Variants in HECW2 observed in about 807,000 individuals in gnomAD.
HECW2 encodes E3 ubiquitin-protein ligase HECW2.
In HECW2, 61 loss-of-function variants were observed where a neutral mutation model predicts 175.2. The ratio of observed to expected loss-of-function variants is 0.35; its 90% CI spans 0.28 to 0.43. HECW2 has a LOEUF of 0.43. HECW2 is among the 20% of genes least tolerant of loss of function. The pLI is 1.00. For missense variants in HECW2, 1,524 were observed against 2,000.5 expected (o/e 0.76, Z 4.54); for synonymous variants, 671 against 731.0 (o/e 0.92, Z 1.32).
chr2:196,523,660 A>C (rs1360830051), intron 1 of HECW2, among the ~76,000 whole-genome samples: 2 of 151,240 alleles, frequency 1.3e-5, no homozygotes, highest in East Asian at 3.9e-4. Context: ...ATCAATACCT[A>C]ATTTATTGAG....
chr2:196,269,505 A>G (rs1199021551), intron 17 of HECW2: 1 of 150,498 alleles, frequency 6.6e-6, no homozygotes, highest in East Asian at 1.9e-4. Flanking sequence ...CCAAAAAAAA[A>G]AAAAAAAAAA....
At chr2:196,345,928 G>A (rs1007525260) in intron 2 of HECW2, among the ~76,000 whole-genome samples, 1 of 152,192 alleles carries the variant, frequency 6.6e-6, no homozygotes, top group Non-Finnish European at 1.5e-5. Flanking sequence ...TCACTTGGAA[G>A]GCACAGAAGG....
chr2:196,550,682 T>TGCCTTAAAAATATATTGCAGAGACC lies in HECW2; in HGVS notation c.-36+42801_-36+42825dup, dbSNP rs1443208114. On this transcript the variant is annotated intron_variant, in intron 1 of 28. Transcript: ENST00000644978. ...AATGCTATTTTGTGACTATCTTTAT[T>TGCCTTAAAAATATATTGCAGAGACC]GCCTTAAAAATATATTGCAGAGACC... Among the ~76,000 whole-genome samples, 3 of 152,344 alleles carry TGCCTTAAAAATATATTGCAGAGACC rather than the reference T, an allele frequency of 2.0e-5. No individual in the cohort carries two copies. The East Asian group carries it at 5.8e-4, about 29-fold the overall frequency.
Position 196,319,377 on chromosome 2 carries a change from GAGATGTCAGGCTTCCATCATC to G in HECW2, c.1492_1512del (p.Asp498_Ser504del), listed in dbSNP as rs200908162. ...ACAGGGTTGTCCTCCAGCTTTGTCT[GAGATGTCAGGCTTCCATCATC>G]AGCTCTGGATGCCCTGCTAAACATG... On this transcript the variant is annotated inframe_deletion, in exon 9 of 29. Transcript: ENST00000644978. 332 of 1,614,166 alleles carry G rather than the reference GAGATGTCAGGCTTCCATCATC, an allele frequency of 2.1e-4. 4 individuals carry two copies. The East Asian group carries it at 7.4e-3, about 36-fold the overall frequency.
intron 2 of HECW2, among the ~76,000 whole-genome samples, chr2:196,390,143 T>C (rs1223816481): frequency 6.6e-6 from 1 of 152,166 alleles, no homozygotes; most frequent in African/African-American, 2.4e-5. Flanking sequence ...GACAACTCCA[T>C]GAGGTAGACC....
At chr2:196,371,691 T>G (rs1339444908) in intron 2 of HECW2, among the ~76,000 whole-genome samples, 1 of 152,238 alleles carries the variant, frequency 6.6e-6, no homozygotes, top group Non-Finnish European at 1.5e-5. Context: ...TAGCTTATTT[T>G]CACTCTATTT....
intron 2 of HECW2, among the ~76,000 whole-genome samples, chr2:196,369,237 C>T (rs541192344): frequency 6.6e-6 from 1 of 152,130 alleles, no homozygotes; most frequent in East Asian, 1.9e-4. Context: ...CTTGCAGACT[C>T]CTATAGGTAC....
At chr2:196,517,433 A>G (rs1688190456) in intron 1 of HECW2, among the ~76,000 whole-genome samples, 1 of 152,230 alleles carries the variant, frequency 6.6e-6, no homozygotes, top group African/African-American at 2.4e-5. Flanking sequence ...AAAAGAAATT[A>G]CAACACTATA....
At chr2:196,362,154 T>C (rs1693607682) in intron 2 of HECW2, 2 of 985,378 alleles carry the variant, frequency 2.0e-6, no homozygotes, top group Non-Finnish European at 2.4e-6. Context: ...CATCAAGACT[T>C]ATCACTGTCC....
intron 13 of HECW2, among the ~76,000 whole-genome samples, chr2:196,300,837 T>C (rs1395167330): frequency 2.0e-5 from 3 of 150,588 alleles, no homozygotes; most frequent in African/African-American, 7.3e-5. Context: ...ACTAGAAAAC[T>C]CATGAACACT....
rs562679225 is a variant in HECW2 at position 196,511,985 on chromosome 2, T to C, written c.-35-78527A>G. Among the ~76,000 whole-genome samples, 7 of 152,362 alleles carry C rather than the reference T, an allele frequency of 4.6e-5. No individual in the cohort carries two copies. In the East Asian group the frequency reaches 1.3e-3, roughly 29 times the overall value. On this transcript the variant is annotated intron_variant, in intron 1 of 28. Transcript: ENST00000644978. ...GTGTCCCTCACTGAGGTCTGCTCAC[T>C]GCATGTTCTGTGGAGCAGGAATGAT...
At chr2:196,455,018 C>G (rs1459488486) in intron 1 of HECW2, among the ~76,000 whole-genome samples, 1 of 151,864 alleles carries the variant, frequency 6.6e-6, no homozygotes, top group African/African-American at 2.4e-5. Context: ...CTGGGATTGA[C>G]CACAGACCCT....
chr2:196,220,135 C>T lies in HECW2; in HGVS notation c.4312G>A (p.Val1438Ile). 2 of 1,612,582 alleles carry T rather than the reference C, an allele frequency of 1.2e-6. No individual in the cohort carries two copies. The highest frequency in any genetic ancestry group is 1.7e-6 in the Non-Finnish European group (2 of 1,179,086). ...AGTTCTCTTGCATCAAAAACAGATA[C>T]CAGCCTGGCATCCACCACCTGTGGA... ...GFYEVVDARL[V>I]SVFDARELEL... Residue 1438 changes from valine (V) to isoleucine (I), a missense_variant, in exon 26 of 29, where the codon GTA becomes ATA. Around this residue, in one of 11 missense-constraint regions of HECW2, gnomAD observed 134 missense variants for 287.8 expected, o/e 0.47. Transcript: ENST00000644978.
intron 13 of HECW2, among the ~76,000 whole-genome samples, chr2:196,301,809 A>G (rs11901261): frequency 6.6e-6 from 1 of 151,676 alleles, no homozygotes; most frequent in Non-Finnish European, 1.5e-5. Context: ...ACAGACTACA[A>G]AAATTTTCTC....
intron 1 of HECW2, among the ~76,000 whole-genome samples, chr2:196,475,409 G>T (rs1686551425): frequency 6.8e-6 from 1 of 147,464 alleles, no homozygotes; most frequent in African/African-American, 2.5e-5. Flanking sequence ...AGTGAAGGGA[G>T]GGGAGGGGAG....
At chr2:196,527,323 G>C (rs903618245) in intron 1 of HECW2, among the ~76,000 whole-genome samples, 1 of 152,226 alleles carries the variant, frequency 6.6e-6, no homozygotes, top group South Asian at 2.1e-4. Context: ...GCAATGCCTC[G>C]CCCTGCTTCG....
chr2:196,558,584 G>A (rs767231897), intron 1 of HECW2, among the ~76,000 whole-genome samples: 12 of 152,196 alleles, frequency 7.9e-5, no homozygotes, highest in Non-Finnish European at 7.3e-5. Flanking sequence ...TTTACCACTT[G>A]CTATTGTTTT....
At chr2:196,258,775 C>T (rs984237772) in intron 17 of HECW2, among the ~76,000 whole-genome samples, 3 of 152,196 alleles carry the variant, frequency 2.0e-5, no homozygotes, top group South Asian at 2.1e-4. Flanking sequence ...AATTATGGTA[C>T]TAAAATCATT....
intron 1 of HECW2, among the ~76,000 whole-genome samples, chr2:196,458,633 C>T (rs540096906): frequency 1.3e-4 from 20 of 151,668 alleles, no homozygotes; most frequent in Admixed American, 9.2e-4. Context: ...TTTGGGAGCC[C>T]GAGGCGGGTG....
Sources: allele counts gnomAD v4.1 joint callset (sites outside exome capture counted in the v4.1 genomes callset), GRCh38; gene constraint gnomAD v4.1.1; regional missense constraint gnomAD v4.1.1; transcripts MANE v1.5; gene names NCBI Gene and HGNC (gene_info 2026-07-23, HGNC 2026-07-21).